Variants in LYST observed in about 807,000 individuals in gnomAD.
LYST encodes lysosomal-trafficking regulator.
In LYST, 192 loss-of-function variants were observed where a neutral mutation model predicts 413.6. That is an observed-to-expected ratio of 0.46 (90% CI 0.41 to 0.52). The LOEUF (loss-of-function observed/expected upper bound fraction) is 0.52. Ranked by LOEUF, LYST falls within the 20% of genes least tolerant of loss-of-function variation. The pLI, the probability that LYST is intolerant of heterozygous loss-of-function variation, is 0.00. For synonymous variants in LYST, 1,525 were observed against 1,567.3 expected, an observed-to-expected ratio of 0.97 and a Z score of 0.64; for missense variants, 3,815 against 4,499.9, an observed-to-expected ratio of 0.85 and a Z score of 4.35.
chr1:235,868,013 C>T (rs1680728587), upstream of LYST, among the ~76,000 whole-genome samples: 1 of 152,138 alleles, frequency 6.6e-6, no homozygotes. Flanking sequence ...AAGCAAAGTG[C>T]GTTAAGTTGC....
At chr1:235,857,742 TACACACACACACACACACAC>T (rs56208034) in intron 1 of LYST, among the ~76,000 whole-genome samples, 4 of 129,272 alleles carry the variant, frequency 3.1e-5, no homozygotes, top group African/African-American at 1.2e-4. Context: ...CATATGTAAA[TACACACACACACACACACAC>T]ACACACACAC....
chr1:235,881,621 C>CTG (rs1000378228), intron 1 of LYST, among the ~76,000 whole-genome samples: 2 of 151,968 alleles, frequency 1.3e-5, no homozygotes, highest in Non-Finnish European at 1.5e-5. Context: ...ATATATATCA[C>CTG]TGTGTGTGTG....
At chr1:235,696,124 G>A (rs1661083741) in intron 46 of LYST, among the ~76,000 whole-genome samples, 1 of 152,098 alleles carries the variant, frequency 6.6e-6, no homozygotes, top group Non-Finnish European at 1.5e-5. Flanking sequence ...AGATAAAACG[G>A]TATGCATCCT....
In LYST at chr1:235,759,326, T is replaced by G. The variant is rs1354255429; in HGVS notation, c.6527A>C (p.Glu2176Ala). ...SSCESAKTVCEMEAVLSAQVS... is the reference protein window; with the variant it reads ...SSCESAKTVCAMEAVLSAQVS... ...CTGGGCTGAGAGGACAGCTTCCATTTCACAAACAGTTTTTGCAGACTCACA... is the reference window on the plus strand; with the variant it reads ...CTGGGCTGAGAGGACAGCTTCCATTGCACAAACAGTTTTTGCAGACTCACA... Residue 2176 changes from glutamate (E) to alanine (A), a missense_variant, in exon 23 of 53, where the codon GAA (glutamate) becomes GCA (alanine). Transcript: ENST00000389793. 6.2e-7 allele frequency: 1 copy of G among 1,614,188 alleles called. No homozygotes were observed. Among genetic ancestry groups the G allele is most frequent in the Admixed American group, 1.7e-5 (1 of 60,012 alleles).
chr1:235,824,721 G>A (rs1228502033), intron 3 of LYST, among the ~76,000 whole-genome samples: 1 of 152,134 alleles, frequency 6.6e-6, no homozygotes, highest in East Asian at 1.9e-4. Flanking sequence ...TTCCAGGAAT[G>A]CAAACATTTA....
chr1:235,849,190 C>T (rs1678237231), intron 1 of LYST, among the ~76,000 whole-genome samples: 1 of 152,040 alleles, frequency 6.6e-6, no homozygotes, highest in Admixed American at 6.5e-5. Context: ...GGTTTCATAC[C>T]AGGGATGCAG....
In LYST at chr1:235,753,154, A is replaced by C; in HGVS notation, c.7350T>G (p.Leu2450=). The C allele has an allele frequency of 6.2e-7, 1 of 1,607,774 alleles. No homozygotes were observed. Among genetic ancestry groups the C allele is most frequent in the Non-Finnish European group, 8.5e-7 (1 of 1,174,470 alleles). The part of the protein sequence containing the change: ...DNILLHNALL[L]LLQILNSCSK... ...AACAAGAATTTAAAATTTGGAGAAG[A>C]AGTAAAAGAGCATTATGCAAGAGTA... Residue 2450 remains leucine, a synonymous_variant, in exon 26 of 53, where the codon CTT becomes CTG. Transcript: ENST00000389793.
At chr1:235,843,527 AT>A (rs1441240064) in intron 1 of LYST, among the ~76,000 whole-genome samples, 1 of 152,156 alleles carries the variant, frequency 6.6e-6, no homozygotes, top group African/African-American at 2.4e-5. Context: ...TTGTTGACAA[AT>A]TTTATAGCTC....
chr1:235,808,857 A>G lies in LYST; in HGVS notation c.1961T>C (p.Leu654Pro), dbSNP rs759292386. 1.5e-5 allele frequency: 24 copies of G among 1,613,938 alleles called. No individual in the cohort carries two copies. In the South Asian group the frequency reaches 2.6e-4, roughly 18 times the overall value. Residue 654 changes from leucine (L) to proline (P), a missense_variant, in exon 5 of 53, where the codon CTG becomes CCG. Leu to Pro is a moderately conservative substitution (Grantham distance 98). Transcript: ENST00000389793. ...SDQLAQLEET[L>P]QGNLCDAELS... ...TTCAGCATCACATAAGTTTCCCTGC[A>G]GTGTCTCTTCTAATTGGGCTAGTTG...
intron 50 of LYST, among the ~76,000 whole-genome samples, chr1:235,675,321 T>C (rs975868740): frequency 6.6e-6 from 1 of 152,222 alleles, no homozygotes; most frequent in Non-Finnish European, 1.5e-5. Context: ...ATGTTTATCA[T>C]AGTTAGAAAA....
chr1:235,793,765 G>A (rs1056247098), intron 10 of LYST, among the ~76,000 whole-genome samples, 153 bp from the exon 11 acceptor site: 5 of 151,990 alleles, frequency 3.3e-5, no homozygotes, highest in Admixed American at 6.6e-5. Flanking sequence ...TGAAGAAATA[G>A]CAATATAACT....
At chr1:235,872,891 G>C (rs1436283310) in intron 1 of LYST, among the ~76,000 whole-genome samples, 1 of 152,174 alleles carries the variant, frequency 6.6e-6, no homozygotes, top group African/African-American at 2.4e-5. Context: ...ACTCCAGCCT[G>C]GGTGACAGAG....
At chr1:235,742,284 G>A (rs965170351) in intron 30 of LYST, among the ~76,000 whole-genome samples, 2 of 151,968 alleles carry the variant, frequency 1.3e-5, no homozygotes, top group Non-Finnish European at 2.9e-5. Flanking sequence ...GTGAAACGCT[G>A]TCTCTACTAA....
intron 1 of LYST, among the ~76,000 whole-genome samples, chr1:235,837,976 T>C (rs1337636510): frequency 2.0e-5 from 3 of 152,080 alleles, no homozygotes; most frequent in African/African-American, 7.2e-5. Flanking sequence ...GAGAGAATTC[T>C]AGGAACAATG....
intron 38 of LYST, among the ~76,000 whole-genome samples, chr1:235,726,653 T>C (rs1174584517): frequency 6.6e-6 from 1 of 152,082 alleles, no homozygotes. Context: ...ATTTTTAGAT[T>C]TGAAAAAAAA....
At chr1:235,717,416 C>T (rs957113) in intron 40 of LYST, among the ~76,000 whole-genome samples, 70,057 of 152,056 alleles carry the variant, frequency 0.46, 18,017 homozygotes, top group African/African-American at 0.68. Context: ...TCTGTGAACA[C>T]CACATGACAC....
rs570079962 is a variant in LYST, at chr1:235,782,232, G to C, written c.4863-145C>G. The C allele has an allele frequency of 3.5e-5, 24 of 688,312 alleles. No individual in the cohort carries two copies. In the East Asian group the frequency reaches 7.0e-4, roughly 20 times the overall value. 42.6% of individuals were successfully genotyped at this position (688,312 alleles called of 1,614,324 possible). Reference sequence around the variant, plus strand: ...CTCGCTCTGTTGCCCAGGTTGGCACGATCTCAGCTCACTGCAAGCTCCGCC... The same window carrying C: ...CTCGCTCTGTTGCCCAGGTTGGCACCATCTCAGCTCACTGCAAGCTCCGCC... On this transcript the variant is annotated intron_variant, in intron 14 of 52. Transcript: ENST00000389793.
chr1:235,876,030 C>G (rs1465208240), intron 1 of LYST, among the ~76,000 whole-genome samples: 3 of 151,868 alleles, frequency 2.0e-5, no homozygotes, highest in Non-Finnish European at 4.4e-5. Flanking sequence ...TGAGACCAGC[C>G]TGGCCAACAT....
At chr1:235,817,738 G>A (rs1260927348) in intron 3 of LYST, among the ~76,000 whole-genome samples, 1 of 151,956 alleles carries the variant, frequency 6.6e-6, no homozygotes, top group African/African-American at 2.4e-5. Flanking sequence ...GAAGGGTGAG[G>A]ATCAAAAAAC....
Sources: allele counts gnomAD v4.1 joint callset (sites outside exome capture counted in the v4.1 genomes callset), GRCh38; gene constraint gnomAD v4.1.1; transcripts MANE v1.5; gene names NCBI Gene and HGNC (gene_info 2026-07-23, HGNC 2026-07-21).